Variants in ATP8A2 observed in about 807,000 individuals in gnomAD.
The protein encoded by ATP8A2 is ATPase phospholipid transporting 8A2.
A neutral mutation model predicts 165.6 loss-of-function variants in ATP8A2; 100 were observed. That is an observed-to-expected ratio of 0.60 (90% CI 0.51 to 0.71). The LOEUF (loss-of-function observed/expected upper bound fraction) is 0.71, where lower values mean the gene tolerates loss of function less well. Among genes scored for constraint, ATP8A2 ranks in the 30% least tolerant of loss-of-function variants. The pLI, the probability that ATP8A2 is intolerant of heterozygous loss-of-function variation, is 0.00. For missense variants in ATP8A2, 1,227 were observed against 1,479.5 expected (o/e 0.83, Z 2.80); for synonymous variants, 543 against 548.8 (o/e 0.99, Z 0.15).
chr13:25,916,097 C>T (rs1224710848), intron 33 of ATP8A2, among the ~76,000 whole-genome samples: 1 of 152,182 alleles, frequency 6.6e-6, no homozygotes, highest in Non-Finnish European at 1.5e-5. Flanking sequence ...ACATTTTCCA[C>T]CAACTGTGCG....
intron 1 of ATP8A2, among the ~76,000 whole-genome samples, chr13:25,419,802 T>A (rs1359191434): frequency 2.0e-5 from 3 of 152,184 alleles, no homozygotes; most frequent in African/African-American, 7.2e-5. Context: ...AATCAAGGGC[T>A]ATTAAGTGGT....
In ATP8A2 at chr13:26,025,583, G is replaced by A. The variant is rs921446310; in HGVS notation, c.*5598G>A. ...ACGTTTAATTGGCTCCCAGCAGCGT[G>A]GGGGGTGCTTCTATGGTGTGTGGGG... is the stretch of plus-strand genomic sequence containing the variant. On this transcript the variant is annotated 3_prime_UTR_variant, in exon 37 of 37. Transcript: ENST00000381655. The A allele has an allele frequency of 2.6e-5, 4 of 152,246 alleles. No individual in the cohort carries two copies. The highest frequency in any genetic ancestry group is 7.2e-5 in the African/African-American group (3 of 41,422). 9.4% of individuals were successfully genotyped at this position (152,246 alleles called of 1,614,324 possible). A position where few individuals can be genotyped will look rare whatever the true frequency, so the allele number is the denominator to read the frequency against.
At chr13:25,530,848 T>C (rs1231722523) in intron 4 of ATP8A2, among the ~76,000 whole-genome samples, 188 bp downstream of exon 4, 1 of 152,158 alleles carries the variant, frequency 6.6e-6, no homozygotes, top group African/African-American at 2.4e-5. Flanking sequence ...ACAGTGACAC[T>C]AAACAGTTCA....
At chr13:25,563,801 AAAT>A (rs1277165629) in intron 15 of ATP8A2, among the ~76,000 whole-genome samples, 152 bp from the exon 16 acceptor site, 2 of 152,214 alleles carry the variant, frequency 1.3e-5, no homozygotes, top group African/African-American at 4.8e-5. Flanking sequence ...TTGAGGTTTA[AAAT>A]AATAATACAG....
intron 33 of ATP8A2, among the ~76,000 whole-genome samples, chr13:25,958,143 A>G (rs7339085): frequency 0.98 from 148,399 of 151,640 alleles, 72,668 homozygotes; most frequent in East Asian, 1. Context: ...GGGGTGGGGG[A>G]CTAGGGGAAG....
At chr13:25,487,621 G>A (rs962557494) in intron 2 of ATP8A2, among the ~76,000 whole-genome samples, 1 of 151,348 alleles carries the variant, frequency 6.6e-6, no homozygotes, top group African/African-American at 2.5e-5. Flanking sequence ...TACCACTTGG[G>A]TTTTACAAAA....
At chr13:26,016,926 C>A (rs1956989524) in intron 36 of ATP8A2, among the ~76,000 whole-genome samples, 1 of 152,130 alleles carries the variant, frequency 6.6e-6, no homozygotes, top group African/African-American at 2.4e-5. Flanking sequence ...AAAAGTACAT[C>A]AAGACCCAGG....
At chr13:25,513,011 G>C (rs1249677672) in intron 2 of ATP8A2, among the ~76,000 whole-genome samples, 2 of 135,800 alleles carry the variant, frequency 1.5e-5, no homozygotes, top group Admixed American at 7.2e-5. Context: ...GCGGGGGGCT[G>C]ACCCCCCCCA....
chr13:25,506,480 A>G (rs894621593), intron 2 of ATP8A2, among the ~76,000 whole-genome samples: 2 of 152,250 alleles, frequency 1.3e-5, no homozygotes, highest in Non-Finnish European at 2.9e-5. Flanking sequence ...TTTCAGAAAA[A>G]GTCATCAAGG....
At chr13:25,642,489 TAAA>T (rs932567072) in intron 24 of ATP8A2, among the ~76,000 whole-genome samples, 2 of 152,118 alleles carry the variant, frequency 1.3e-5, no homozygotes, top group African/African-American at 4.8e-5. Flanking sequence ...AACAGACACA[TAAA>T]AAATGCTCAT....
At chr13:25,642,683 G>C (rs1224742744) in intron 24 of ATP8A2, among the ~76,000 whole-genome samples, 1 of 151,216 alleles carries the variant, frequency 6.6e-6, no homozygotes, top group East Asian at 1.9e-4. Context: ...AAGACCATTT[G>C]ACTATTTGAC....
chr13:25,920,900 T>C (rs1489180704), intron 33 of ATP8A2, among the ~76,000 whole-genome samples: 3 of 152,062 alleles, frequency 2.0e-5, no homozygotes, highest in Non-Finnish European at 4.4e-5. Context: ...AAAACCTGTC[T>C]CTACTAAAAA....
intron 25 of ATP8A2, among the ~76,000 whole-genome samples, chr13:25,732,278 A>G (rs1382659445): frequency 6.6e-6 from 1 of 152,230 alleles, no homozygotes; most frequent in Non-Finnish European, 1.5e-5. Flanking sequence ...ATGTTGGGAA[A>G]GAATCTGTAC....
chr13:25,959,817 C>G (rs1489568540), intron 33 of ATP8A2, among the ~76,000 whole-genome samples: 1 of 152,224 alleles, frequency 6.6e-6, no homozygotes, highest in Non-Finnish European at 1.5e-5. Context: ...TAGACTAGCA[C>G]TCTTGTGAAT....
intron 33 of ATP8A2, among the ~76,000 whole-genome samples, chr13:25,941,823 T>A (rs1955080023): frequency 6.6e-6 from 1 of 152,228 alleles, no homozygotes; most frequent in Non-Finnish European, 1.5e-5. Flanking sequence ...ATAAGTGGCC[T>A]ATTCAAATAT....
At chr13:25,790,521 G>A (rs217875) in intron 27 of ATP8A2, among the ~76,000 whole-genome samples, 149,333 of 150,676 alleles carry the variant, frequency 0.99, 74,013 homozygotes, top group East Asian at 1. Flanking sequence ...CCCTGTCTCT[G>A]TAGAAAAAAA....
rs140005206 is a variant in ATP8A2 at position 25,629,440 on chromosome 13, G to A, written c.2211+39741G>A. Among the ~76,000 whole-genome samples, 1,051 of 152,188 alleles carry A rather than the reference G, an allele frequency of 6.9e-3. 8 individuals carry two copies. Among genetic ancestry groups the A allele is most frequent in the African/African-American group, 0.024 (980 of 41,534 alleles). On this transcript the variant is annotated intron_variant, in intron 24 of 36. Coordinates refer to ENST00000381655, the MANE Select transcript of ATP8A2 (RefSeq NM_016529.6). The stretch of plus-strand genomic sequence containing the variant: ...TTAATGATTTTCCTTTTAATCAGCC[G>A]TTTAATCTTGTAGATAGTCTTCATA...
chr13:25,979,409 A>G (rs548013757), intron 35 of ATP8A2, among the ~76,000 whole-genome samples: 12 of 152,332 alleles, frequency 7.9e-5, no homozygotes, highest in African/African-American at 2.9e-4. Context: ...CACGTGAATG[A>G]CTGTCACAGA....
intron 33 of ATP8A2, among the ~76,000 whole-genome samples, chr13:25,898,206 T>A (rs1002069575): frequency 1.1e-4 from 17 of 152,206 alleles, no homozygotes; most frequent in African/African-American, 4.1e-4. Flanking sequence ...GGGATTTTGG[T>A]GTGGATGTCC....
Sources: gnomAD v4.1 joint callset for allele counts (sites outside exome capture counted in the v4.1 genomes callset) on GRCh38, gnomAD v4.1.1 for gene constraint, MANE v1.5 for transcripts, NCBI Gene and HGNC (gene_info 2026-07-23, HGNC 2026-07-21) for gene names.